SOX8: variants seen among roughly 807,000 people sequenced by gnomAD.
The protein encoded by SOX8 is transcription factor SOX-8.
In SOX8, 9 loss-of-function variants were observed where a neutral mutation model predicts 22.9. That is an observed-to-expected ratio of 0.39 (90% CI 0.24 to 0.69). The LOEUF is 0.69. SOX8 is among the 30% of genes least tolerant of loss of function. The pLI, the probability that SOX8 is intolerant of heterozygous loss-of-function variation, is 0.43. For synonymous variants in SOX8, 416 were observed against 330.6 expected (o/e 1.26, Z -2.80); for missense variants, 734 against 699.4 (o/e 1.05, Z -0.56).
chr16:985,083 C>T lies in SOX8; in HGVS notation c.1038C>T (p.Gly346=), dbSNP rs1189903803. ...PHIKTEQPSP[G]HYGDQPRGSP... Reference sequence around the variant, plus strand: ...TCAAGACGGAGCAGCCGAGCCCCGGCCACTACGGCGACCAGCCCCGAGGCT... The same window carrying T: ...TCAAGACGGAGCAGCCGAGCCCCGGTCACTACGGCGACCAGCCCCGAGGCT... Residue 346 remains glycine (G), a synonymous_variant, in exon 3 of 3, where the codon GGC becomes GGT. Coordinates refer to ENST00000293894, the MANE Select transcript of SOX8 (RefSeq NM_014587.5). 2 of 1,589,616 alleles carry T rather than the reference C, an allele frequency of 1.3e-6. No homozygotes were observed. The highest frequency in any genetic ancestry group is 1.7e-6 in the Non-Finnish European group (2 of 1,174,458).
In SOX8 at chr16:985,342, A is replaced by T. The variant is rs1331376779; in HGVS notation, c.1297A>T (p.Ser433Cys). 6.3e-7 allele frequency: 1 copy of T among 1,591,602 alleles called. No homozygotes were observed. Among genetic ancestry groups the T allele is most frequent in the South Asian group, 1.1e-5 (1 of 89,354 alleles). ...CCTGCCGCCCGCCCACAGCCCCACC[A>T]GTCACTGGGACCAGCCGGTGTACAC... is the stretch of plus-strand genomic sequence containing the variant. ...LALPPAHSPT[S>C]HWDQPVYTTL... The change falls in exon 3 of 3, where the codon AGT becomes TGT. Residue 433 changes from serine (S) to cysteine (C), a missense_variant. Physicochemically the swap from Ser to Cys is moderately radical, Grantham distance 112. Coordinates refer to ENST00000293894, the MANE Select transcript of SOX8 (RefSeq NM_014587.5).
At chr16:984,594 G>A in intron 2 of SOX8, 107 bp from the exon 3 acceptor site, 1 of 635,028 alleles carries the variant, frequency 1.6e-6, no homozygotes, top group Non-Finnish European at 2.6e-6. Context: ...AAAAGCCGTT[G>A]ATCCCCCTGG....
chr16:981,944 C>A lies in SOX8; in HGVS notation c.22C>A (p.Arg8Ser). 7.1e-7 allele frequency: 1 copy of A among 1,415,172 alleles called. No homozygotes were observed. The highest frequency in any genetic ancestry group is 3.2e-5 in the East Asian group (1 of 31,394). The allele number at this position is 1,415,172 out of a possible 1,614,324, so 87.7% of individuals were successfully genotyped here. The change falls in exon 1 of 3, where the codon CGC becomes AGC. Residue 8 changes from arginine (R) to serine (S), a missense_variant. By Grantham distance (110) the Arg-to-Ser change is moderately radical. Around this residue, in one of 3 missense-constraint regions of SOX8, gnomAD observed 139 missense variants for 109.1 expected, o/e 1.27. Coordinates refer to ENST00000293894, the MANE Select transcript of SOX8 (RefSeq NM_014587.5). ...CCCGATGCTGGACATGAGCGAGGCC[C>A]GCTCCCAGCCGCCCTGCAGCCCGTC... Reference protein sequence around the residue: MLDMSEARSQPPCSPSGT... With the variant: MLDMSEASSQPPCSPSGT...
rs551770241 is a variant in SOX8, at chr16:986,504, G to T, written c.*1118G>T. On this transcript the variant is annotated 3_prime_UTR_variant, in exon 3 of 3. Coordinates refer to ENST00000293894, the MANE Select transcript of SOX8 (RefSeq NM_014587.5). ...CAGGACACAGGAATTCCTGGAAAGT[G>T]GTGGCTTCAGAAGTGATCTTGGCTC... The T allele has an allele frequency of 6.6e-6, 1 of 152,390 alleles. No individual in the cohort carries two copies. Among genetic ancestry groups the T allele is most frequent in the South Asian group, 2.1e-4 (1 of 4,830 alleles). 9.4% of individuals were successfully genotyped at this position (152,390 alleles called of 1,614,324 possible).
rs566335912 is a variant in SOX8 at position 985,302 on chromosome 16, G to A, written c.1257G>A (p.Leu419=). ...CGCGCCGGCCCTACGCCTCACCCCT[G>A]CTCAACGGCCTGGCCCTGCCGCCCG... is the stretch of plus-strand genomic sequence containing the variant. ...HSPRRPYASP[L]LNGLALPPAH... is the part of the protein sequence containing the mutation. Residue 419 remains leucine (L), a synonymous_variant, in exon 3 of 3, where the codon CTG becomes CTA. Coordinates refer to ENST00000293894, the MANE Select transcript of SOX8 (RefSeq NM_014587.5). The A allele has an allele frequency of 9.3e-6, 15 of 1,608,848 alleles. No individual in the cohort carries two copies. The South Asian group carries it at 1.5e-4, about 17-fold the overall frequency.
intron 2 of SOX8, among the ~76,000 whole-genome samples, chr16:984,336 G>C (rs2073435447): frequency 6.6e-6 from 1 of 152,226 alleles, no homozygotes; most frequent in Non-Finnish European, 1.5e-5. Flanking sequence ...GCCTCGGTCA[G>C]GCTGGCTGAC....
In SOX8 at chr16:984,707, C is replaced by G. The variant is rs1323926785; in HGVS notation, c.662C>G (p.Thr221Ser). The G allele has an allele frequency of 6.5e-7, 1 of 1,530,958 alleles. No homozygotes were observed. Among genetic ancestry groups the G allele is most frequent in the African/African-American group, 1.4e-5 (1 of 72,924 alleles). 94.8% of individuals were successfully genotyped at this position (1,530,958 alleles called of 1,614,324 possible). Reference sequence around the variant, plus strand: ...CCTGCTCTCCTGTCCCCAGGGCAGACCCACGGGCCGCCCACCCCGCCCACC... The same window carrying G: ...CCTGCTCTCCTGTCCCCAGGGCAGAGCCACGGGCCGCCCACCCCGCCCACC... ...GHHHGDHTGQ[T>S]HGPPTPPTTP... The change falls in exon 3 of 3, where the codon ACC (threonine) becomes AGC (serine). Residue 221 changes from threonine to serine, a missense_variant. Coordinates refer to ENST00000293894, the MANE Select transcript of SOX8 (RefSeq NM_014587.5).
chr16:985,204 C>T lies in SOX8; in HGVS notation c.1159C>T (p.Gln387Ter). ...CTCACAGGGCGACTATGGCGACCTG[C>T]AGGCCTCCAGCTACTATGGTGCCTA... ...AGSQGDYGDL[Q>*]ASSYYGAYPG... The change falls in exon 3 of 3, where the codon CAG becomes TAG. Residue 387 changes from glutamine (Q) to a stop codon, truncating the protein, a stop_gained. Transcript: ENST00000293894. LOFTEE classifies it high-confidence loss of function. 1 of 1,611,878 alleles carries T rather than the reference C, an allele frequency of 6.2e-7. No individual in the cohort carries two copies. Among genetic ancestry groups the T allele is most frequent in the Non-Finnish European group, 8.5e-7 (1 of 1,179,520 alleles).
Position 982,486 on chromosome 16 carries a change from C to G in SOX8, c.422+142C>G, listed in dbSNP as rs571829515. 7 of 927,720 alleles carry G rather than the reference C, an allele frequency of 7.5e-6. No individual in the cohort carries two copies. In the South Asian group the frequency reaches 1.7e-4, roughly 23 times the overall value. The allele number at this position is 927,720 out of a possible 1,614,324, so 57.5% of individuals were successfully genotyped here. ...CGGGCTCTGCACCCCGGGCGGGTGT[C>G]AGGGCGGGTCCCAGTGGAAAAACAT... On this transcript the variant is annotated intron_variant, in intron 1 of 2. Coordinates refer to ENST00000293894, the MANE Select transcript of SOX8 (RefSeq NM_014587.5).
Position 982,023 on chromosome 16 carries a change from C to A in SOX8, c.101C>A (p.Pro34Gln). Reference protein sequence around the residue: ...HVEDSDSDAPPSPAGSEGLGR... With the variant: ...HVEDSDSDAPQSPAGSEGLGR... ...GAGGACTCGGACTCGGACGCGCCGCCGTCTCCCGCCGGCTCCGAGGGCCTG... is the reference window on the plus strand; with the variant it reads ...GAGGACTCGGACTCGGACGCGCCGCAGTCTCCCGCCGGCTCCGAGGGCCTG... The change falls in exon 1 of 3, where the codon CCG becomes CAG. Residue 34 changes from proline to glutamine, a missense_variant. By Grantham distance (76) the Pro-to-Gln change is moderately conservative. Around this residue, in one of 3 missense-constraint regions of SOX8, gnomAD observed 139 missense variants for 109.1 expected, o/e 1.27. Coordinates refer to ENST00000293894, the MANE Select transcript of SOX8 (RefSeq NM_014587.5). 7.2e-7 allele frequency: 1 copy of A among 1,389,862 alleles called. No individual in the cohort carries two copies. The highest frequency in any genetic ancestry group is 1.5e-5 in the African/African-American group (1 of 66,600). 86.1% of individuals were successfully genotyped at this position (1,389,862 alleles called of 1,614,324 possible).
At position 983,777 on chromosome 16, in the gene SOX8, C is replaced by T; in HGVS notation, c.472C>T (p.Leu158Phe). 6.2e-7 allele frequency: 1 copy of T among 1,612,832 alleles called. No individual in the cohort carries two copies. The highest frequency in any genetic ancestry group is 8.5e-7 in the Non-Finnish European group (1 of 1,179,820). Residue 158 changes from leucine to phenylalanine, a missense_variant, in exon 2 of 3, where the codon CTT becomes TTT. Around this residue, in one of 3 missense-constraint regions of SOX8, gnomAD observed 588 missense variants for 568.2 expected, o/e 1.03. Coordinates refer to ENST00000293894, the MANE Select transcript of SOX8 (RefSeq NM_014587.5). ...GCCCTTCGTGGAGGAGGCAGAGCGC[C>T]TTCGCGTGCAGCACAAGAAGGACCA... ...KRPFVEEAER[L>F]RVQHKKDHPD...
rs1457760456 is a variant in SOX8, at chr16:983,716, C to T, written c.423-12C>T. ...GCGCCCTGGCCATCCCTGCCTCTGC[C>T]CTGTGCTGCAGCTTGCTGAGCGAGA... On this transcript the variant is annotated splice_polypyrimidine_tract_variant and intron_variant, in intron 1 of 2. Transcript: ENST00000293894. 6.2e-7 allele frequency: 1 copy of T among 1,610,152 alleles called. No homozygotes were observed. Among genetic ancestry groups the T allele is most frequent in the Non-Finnish European group, 8.5e-7 (1 of 1,178,446 alleles).
At chr16:984,624 T>G (rs1467864478) in intron 2 of SOX8, 77 bp from the exon 3 acceptor site, 3 of 912,056 alleles carry the variant, frequency 3.3e-6, no homozygotes, top group Non-Finnish European at 4.8e-6. Context: ...CGGGCGTCCC[T>G]CCCCTTCCAG....
chr16:985,270 C>T lies in SOX8; in HGVS notation c.1225C>T (p.His409Tyr), dbSNP rs1208140437. ...CGGCCTCTACCAGTACCCCTGCTTCCACTCGCCGCGCCGGCCCTACGCCTC... is the reference window on the plus strand; with the variant it reads ...CGGCCTCTACCAGTACCCCTGCTTCTACTCGCCGCGCCGGCCCTACGCCTC... ...APGLYQYPCF[H>Y]SPRRPYASPL... is the part of the protein sequence containing the mutation. The change falls in exon 3 of 3, where the codon CAC becomes TAC. Residue 409 changes from histidine (H) to tyrosine (Y), a missense_variant. Around this residue, in one of 3 missense-constraint regions of SOX8, gnomAD observed 588 missense variants for 568.2 expected, o/e 1.03. Coordinates refer to ENST00000293894, the MANE Select transcript of SOX8 (RefSeq NM_014587.5). 1.2e-6 allele frequency: 2 copies of T among 1,611,806 alleles called. No individual in the cohort carries two copies. Among genetic ancestry groups the T allele is most frequent in the East Asian group, 2.2e-5 (1 of 44,864 alleles).
At position 985,169 on chromosome 16, in the gene SOX8, C is replaced by T. The variant is rs745640497; in HGVS notation, c.1124C>T (p.Pro375Leu). Reference protein sequence around the residue: ...SSATPAAPAGPFAGSQGDYGD... With the variant: ...SSATPAAPAGLFAGSQGDYGD... ...GCCACCCCGGCCGCCCCCGCCGGCCCCTTCGCCGGCTCACAGGGCGACTAT... is the reference window on the plus strand; with the variant it reads ...GCCACCCCGGCCGCCCCCGCCGGCCTCTTCGCCGGCTCACAGGGCGACTAT... Residue 375 changes from proline to leucine, a missense_variant, in exon 3 of 3, where the codon CCC becomes CTC. By Grantham distance (98) the Pro-to-Leu change is moderately conservative (BLOSUM62 -3). Transcript: ENST00000293894. The T allele has an allele frequency of 3.1e-6, 5 of 1,609,370 alleles. No individual in the cohort carries two copies. Among genetic ancestry groups the T allele is most frequent in the Non-Finnish European group, 4.2e-6 (5 of 1,178,432 alleles).
At chr16:984,552 T>C (rs955140291) in intron 2 of SOX8, 149 bp from the exon 3 acceptor site, 6 of 576,816 alleles carry the variant, frequency 1.0e-5, no homozygotes, top group African/African-American at 1.9e-5. Flanking sequence ...AGGTCTGACT[T>C]TGCTGGAATT....
Position 984,925 on chromosome 16 carries a change from C to G in SOX8, c.880C>G (p.Pro294Ala), listed in dbSNP as rs1457340994. The G allele has an allele frequency of 2.5e-6, 4 of 1,603,450 alleles. No homozygotes were observed. The Admixed American group carries it at 5.1e-5, about 20-fold the overall frequency. ...CGACCAGTACCTGCCCCTGGGCGGC[C>G]CCGCCCCACCCGAGCCGGGCCAGGC... ...EFDQYLPLGGPAPPEPGQAYG... is the reference protein window; with the variant it reads ...EFDQYLPLGGAAPPEPGQAYG... Residue 294 changes from proline to alanine, a missense_variant, in exon 3 of 3, where the codon CCC becomes GCC. By Grantham distance (27) the Pro-to-Ala change is conservative. Transcript: ENST00000293894.
In SOX8 at chr16:983,870, G is replaced by A; in HGVS notation, c.565G>A (p.Gly189Ser). ...AGCCGGCCACAGCGACTCCGACTCGGGCGCGGAGCTGGGACCCCACCCTGG... is the reference window on the plus strand; with the variant it reads ...AGCCGGCCACAGCGACTCCGACTCGAGCGCGGAGCTGGGACCCCACCCTGG... Reference protein sequence around the residue: ...AKAGHSDSDSGAELGPHPGGG... With the variant: ...AKAGHSDSDSSAELGPHPGGG... Residue 189 changes from glycine (G) to serine (S), a missense_variant, in exon 2 of 3, where the codon GGC becomes AGC. Gly to Ser is a moderately conservative substitution (Grantham distance 56). Coordinates refer to ENST00000293894, the MANE Select transcript of SOX8 (RefSeq NM_014587.5). 1 of 1,611,818 alleles carries A rather than the reference G, an allele frequency of 6.2e-7. No homozygotes were observed. Among genetic ancestry groups the A allele is most frequent in the Non-Finnish European group, 8.5e-7 (1 of 1,179,340 alleles).
rs765623270 is a variant in SOX8, at chr16:985,415, G to A, written c.*29G>A. 29 of 1,482,850 alleles carry A rather than the reference G, an allele frequency of 2.0e-5. 1 individual carries two copies. In the South Asian group the frequency reaches 3.7e-4, roughly 19 times the overall value. 91.9% of individuals were successfully genotyped at this position (1,482,850 alleles called of 1,614,324 possible). A position where few individuals can be genotyped will look rare whatever the true frequency, so the allele number is the denominator to read the frequency against. On this transcript the variant is annotated 3_prime_UTR_variant, in exon 3 of 3. Transcript: ENST00000293894. Reference sequence around the variant, plus strand: ...CCCAGCCGCGGGGAGGGACTCGCAGGCGTCAGGGGGCAGCCTTGTCCCGGC... The same window carrying A: ...CCCAGCCGCGGGGAGGGACTCGCAGACGTCAGGGGGCAGCCTTGTCCCGGC...
Sources: allele counts gnomAD v4.1 joint callset (sites outside exome capture counted in the v4.1 genomes callset), GRCh38; gene constraint gnomAD v4.1.1; regional missense constraint gnomAD v4.1.1; transcripts MANE v1.5; gene names NCBI Gene and HGNC (gene_info 2026-07-23, HGNC 2026-07-21).